Variants in CDH18 observed in about 807,000 individuals in gnomAD.
CDH18 encodes cadherin-18.
CDH18 carries 31 observed loss-of-function variants against 67.9 expected under a neutral mutation model. That is an observed-to-expected ratio of 0.46 (90% CI 0.34 to 0.62). The LOEUF is 0.62. Among genes scored for constraint, CDH18 ranks in the 20% least tolerant of loss-of-function variants. The pLI is 0.01. For synonymous variants in CDH18, 362 were observed against 347.2 expected (o/e 1.04, Z -0.48); for missense variants, 890 against 975.5 (o/e 0.91, Z 1.17).
At chr5:20,230,876 G>A (rs995784422) in intron 2 of CDH18, among the ~76,000 whole-genome samples, 2 of 152,110 alleles carry the variant, frequency 1.3e-5, no homozygotes, top group Non-Finnish European at 2.9e-5. Context: ...GTCTTTGCAG[G>A]CTAAAGCTCT....
intron 2 of CDH18, among the ~76,000 whole-genome samples, chr5:19,915,653 A>T (rs576009134): frequency 6.6e-6 from 1 of 152,302 alleles, no homozygotes; most frequent in South Asian, 2.1e-4. Flanking sequence ...ATTCATTTAC[A>T]GTATTATACT....
At chr5:19,722,488 A>C (rs1049344610) in intron 4 of CDH18, among the ~76,000 whole-genome samples, 17 of 150,484 alleles carry the variant, frequency 1.1e-4, no homozygotes, top group African/African-American at 4.2e-4. Flanking sequence ...TGAGGTAATA[A>C]AATTATTGAA....
intron 1 of CDH18, among the ~76,000 whole-genome samples, chr5:20,413,969 C>T (rs1169969225): frequency 6.6e-6 from 1 of 152,030 alleles, no homozygotes; most frequent in Non-Finnish European, 1.5e-5. Flanking sequence ...GTGTTGAATC[C>T]ATCTTGAATT....
chr5:19,518,891 A>C (rs1746447107), intron 10 of CDH18, among the ~76,000 whole-genome samples: 1 of 152,210 alleles, frequency 6.6e-6, no homozygotes, highest in Admixed American at 6.6e-5. Flanking sequence ...GTCTCTCTAG[A>C]GAACTCTGAC....
chr5:20,032,266 A>C (rs1293510312), intron 2 of CDH18, among the ~76,000 whole-genome samples: 1 of 150,982 alleles, frequency 6.6e-6, no homozygotes, highest in Admixed American at 6.6e-5. Flanking sequence ...ATATAAAACA[A>C]AGTTTAAAAG....
At chr5:19,524,380 T>C (rs17217417) in intron 9 of CDH18, among the ~76,000 whole-genome samples, 14,875 of 150,626 alleles carry the variant, frequency 0.099, 1,013 homozygotes, top group Non-Finnish European at 0.13. Context: ...TATGTTTACT[T>C]ATCATGAAAA....
rs1561056231 is a variant in CDH18 at position 20,488,676 on chromosome 5, TA to T, written c.-580+86785del. On this transcript the variant is annotated intron_variant, in intron 1 of 14. Coordinates refer to the CDH18 transcript ENST00000507958. ...TTTTGGTTGGAGGGGTAGTGTTTTATATATATATATATATATATATATATAC... is the reference window on the plus strand; with the variant it reads ...TTTTGGTTGGAGGGGTAGTGTTTTATTATATATATATATATATATATATAC... Among the ~76,000 whole-genome samples, 82 of 41,790 alleles carry T rather than the reference TA, an allele frequency of 2.0e-3. 1 individual carries two copies. Among genetic ancestry groups the T allele is most frequent in the African/African-American group, 7.9e-3 (76 of 9,628 alleles). The allele number at this position is 41,790 out of a possible 152,430, so 27.4% of individuals were successfully genotyped here.
chr5:20,171,642 A>C (rs956374929), intron 2 of CDH18, among the ~76,000 whole-genome samples: 1 of 152,000 alleles, frequency 6.6e-6, no homozygotes, highest in African/African-American at 2.4e-5. Context: ...ATAGTTTGCA[A>C]ATATTTTCTC....
intron 1 of CDH18, among the ~76,000 whole-genome samples, chr5:20,271,675 A>T (rs565039725): frequency 8.5e-4 from 130 of 152,194 alleles, no homozygotes; most frequent in African/African-American, 3.0e-3. Flanking sequence ...GTGAGGACAT[A>T]GCCAGAAGAT....
chr5:20,359,533 C>T (rs762452249), intron 1 of CDH18, among the ~76,000 whole-genome samples: 3 of 152,050 alleles, frequency 2.0e-5, no homozygotes, highest in Admixed American at 2.0e-4. Flanking sequence ...CCTTTAAGTA[C>T]TTAACATTCT....
chr5:19,723,748 A>G (rs989110787), intron 4 of CDH18, among the ~76,000 whole-genome samples: 2 of 151,818 alleles, frequency 1.3e-5, no homozygotes, highest in African/African-American at 4.8e-5. Context: ...AGTTTTGCTC[A>G]TGTTGCCCTG....
At chr5:20,327,587 A>G (rs1738721338) in intron 1 of CDH18, among the ~76,000 whole-genome samples, 1 of 152,160 alleles carries the variant, frequency 6.6e-6, no homozygotes, top group Non-Finnish European at 1.5e-5. Context: ...AGTTCTGAGA[A>G]TATAGCAGTG....
intron 2 of CDH18, among the ~76,000 whole-genome samples, chr5:19,917,251 A>G (rs1425184347): frequency 1.3e-5 from 2 of 152,072 alleles, no homozygotes; most frequent in Non-Finnish European, 2.9e-5. Context: ...CCATTTTTCC[A>G]TGTACTTTAA....
At chr5:19,915,110 T>G (rs1791608800) in intron 2 of CDH18, among the ~76,000 whole-genome samples, 1 of 152,176 alleles carries the variant, frequency 6.6e-6, no homozygotes, top group African/African-American at 2.4e-5. Context: ...TGCTTTCTTT[T>G]AAGAAATATA....
At chr5:20,521,604 A>T (rs532243668) in intron 1 of CDH18, among the ~76,000 whole-genome samples, 3 of 152,254 alleles carry the variant, frequency 2.0e-5, no homozygotes, top group Admixed American at 2.0e-4. Context: ...GAGCAGATAC[A>T]TGGGGCAGTA....
At chr5:20,501,423 TTA>T (rs911443915) in intron 1 of CDH18, among the ~76,000 whole-genome samples, 6 of 136,324 alleles carry the variant, frequency 4.4e-5, no homozygotes, top group Non-Finnish European at 7.9e-5. Flanking sequence ...TATATACATA[TTA>T]TATATATATT....
intron 5 of CDH18, among the ~76,000 whole-genome samples, chr5:19,670,645 G>A (rs1580792932): frequency 6.6e-6 from 1 of 152,220 alleles, no homozygotes; most frequent in East Asian, 1.9e-4. Flanking sequence ...CTTTTTAAAA[G>A]CTTCCAGAGA....
chr5:20,083,082 T>A (rs1261845659), intron 2 of CDH18, among the ~76,000 whole-genome samples: 2 of 152,036 alleles, frequency 1.3e-5, no homozygotes, highest in Non-Finnish European at 2.9e-5. Flanking sequence ...TTCCAACAGG[T>A]GGGGTACAAT....
chr5:19,515,309 G>T (rs559752105), intron 10 of CDH18, among the ~76,000 whole-genome samples: 2 of 152,160 alleles, frequency 1.3e-5, no homozygotes, highest in Admixed American at 6.5e-5. Context: ...TTTTTGCTTA[G>T]GATTGTCTTG....
Sources: allele counts gnomAD v4.1 joint callset (sites outside exome capture counted in the v4.1 genomes callset), GRCh38; gene constraint gnomAD v4.1.1; transcripts MANE v1.5; gene names NCBI Gene and HGNC (gene_info 2026-07-23, HGNC 2026-07-21).